The following USP26 variants were observed in gnomAD, a reference collection of about 807,000 sequenced individuals.
USP26 encodes ubiquitin specific peptidase 26, also known as ubiquitin carboxyl-terminal hydrolase 26.
For synonymous variants in USP26, 236 were observed against 240.6 expected, an observed-to-expected ratio of 0.98 and a Z score of 0.18; for missense variants, 649 against 642.3, an observed-to-expected ratio of 1.01 and a Z score of -0.11.
At chrX:133,032,590 A>AT (rs1173273409) in intron 5 of USP26, among the ~76,000 whole-genome samples, 2 of 111,971 alleles carry the variant, frequency 1.8e-5, no homozygotes, top group African/African-American at 6.5e-5. Context: ...CAATCTGCAT[A>AT]TTTTTTCTCC....
At chrX:133,076,762 CAT>C (rs1242516220) in intron 5 of USP26, among the ~76,000 whole-genome samples, 2 of 111,848 alleles carry the variant, frequency 1.8e-5, no homozygotes, top group Non-Finnish European at 3.8e-5. Context: ...CCAATAGCCA[CAT>C]GAGTGATCTT....
intron 1 of USP26, among the ~76,000 whole-genome samples, chrX:133,093,914 G>A (rs1229699343): frequency 1.0e-5 from 1 of 99,597 alleles, no homozygotes; most frequent in Non-Finnish European, 2.0e-5. Context: ...CCAGGAGGTC[G>A]AGGCTGTAGA....
At chrX:133,039,709 G>T (rs777530724) in intron 5 of USP26, among the ~76,000 whole-genome samples, 1 of 111,639 alleles carries the variant, frequency 9.0e-6, no homozygotes, top group Admixed American at 9.5e-5. Flanking sequence ...TATTAGGTCT[G>T]CTTGGTCCAG....
At chrX:133,073,186 C>T (rs1002482167) in intron 5 of USP26, among the ~76,000 whole-genome samples, 3 of 110,002 alleles carry the variant, frequency 2.7e-5, no homozygotes, top group African/African-American at 9.9e-5. Flanking sequence ...TGGCTTTGTA[C>T]TTCACTCTCA....
chrX:133,071,009 G>A (rs2067528724), intron 5 of USP26, among the ~76,000 whole-genome samples: 1 of 110,862 alleles, frequency 9.0e-6, no homozygotes, highest in Non-Finnish European at 1.9e-5. Context: ...CTGAGATCAG[G>A]AGTTCGGGAC....
intron 5 of USP26, among the ~76,000 whole-genome samples, chrX:133,048,598 G>A (rs1451104501): frequency 9.3e-6 from 1 of 107,983 alleles, no homozygotes; most frequent in Non-Finnish European, 1.9e-5. Flanking sequence ...CCAGGCTGGA[G>A]TGCAGTGGCA....
intron 1 of USP26, among the ~76,000 whole-genome samples, chrX:133,095,093 C>CAAAAAAAAAAAAAAAAAAA (rs35394795): frequency 3.9e-5 from 2 of 51,221 alleles, no homozygotes; most frequent in Non-Finnish European, 7.1e-5. Flanking sequence ...AGACTCTTGT[C>CAAAAAAAAAAAAAAAAAAA]AAAAAAAAAA....
chrX:133,062,811 G>A (rs2067497926), intron 5 of USP26, among the ~76,000 whole-genome samples: 3 of 110,870 alleles, frequency 2.7e-5, no homozygotes, highest in Admixed American at 9.6e-5. Context: ...CCAAAAACCA[G>A]AATGCCTCAT....
chrX:133,053,531 C>CT (rs199996242), intron 5 of USP26, among the ~76,000 whole-genome samples: 6 of 92,892 alleles, frequency 6.5e-5, no homozygotes, highest in East Asian at 3.3e-4. Flanking sequence ...GAGTGAGACT[C>CT]TTTTTTAAAA....
intron 4 of USP26, among the ~76,000 whole-genome samples, chrX:133,088,869 C>T (rs778320869): frequency 7.2e-5 from 8 of 110,757 alleles, no homozygotes; most frequent in African/African-American, 1.6e-4. Flanking sequence ...ATCTAGCAAA[C>T]GAGCTAAGGT....
intron 5 of USP26, among the ~76,000 whole-genome samples, chrX:133,046,883 C>T (rs1441504086): frequency 1.8e-5 from 2 of 111,705 alleles, no homozygotes; most frequent in African/African-American, 6.5e-5. Context: ...ACCACCTCAT[C>T]CCTCTTCTTT....
At chrX:133,085,060 C>T (rs1602990830) in intron 4 of USP26, among the ~76,000 whole-genome samples, 1 of 111,893 alleles carries the variant, frequency 8.9e-6, no homozygotes, top group South Asian at 3.8e-4. Flanking sequence ...TCCCAAGTAG[C>T]TGGGATTATA....
At chrX:133,066,420 A>C (rs769963010) in intron 5 of USP26, among the ~76,000 whole-genome samples, 2 of 112,020 alleles carry the variant, frequency 1.8e-5, no homozygotes, top group African/African-American at 6.5e-5. Flanking sequence ...AACCAAGAGA[A>C]TCCTAAGCAA....
intron 1 of USP26, among the ~76,000 whole-genome samples, chrX:133,096,047 ATTTTTT>A (rs779131148): frequency 2.7e-4 from 10 of 36,548 alleles, no homozygotes; most frequent in African/African-American, 1.2e-3. Context: ...GCCCGGCCTA[ATTTTTT>A]TTTTTTTTTT....
chrX:133,068,485 G>A (rs112165969), intron 5 of USP26, among the ~76,000 whole-genome samples: 4,233 of 112,248 alleles, frequency 0.038, 106 homozygotes, highest in East Asian at 0.1. Flanking sequence ...AAAAATAAGC[G>A]GTGCTTTCTA....
chrX:133,040,262 A>G (rs1393773058), intron 5 of USP26, among the ~76,000 whole-genome samples: 9 of 111,889 alleles, frequency 8.0e-5, no homozygotes, highest in Non-Finnish European at 1.5e-4. Context: ...TTTGCACATT[A>G]GTTGATGCAG....
chrX:133,036,692 C>T (rs960701054), intron 5 of USP26, among the ~76,000 whole-genome samples: 20 of 111,671 alleles, frequency 1.8e-4, no homozygotes, highest in African/African-American at 6.2e-4. Flanking sequence ...GGGTCTATAC[C>T]CAGTAATGGG....
intron 5 of USP26, among the ~76,000 whole-genome samples, chrX:133,034,322 A>AGCATCTAAAG (rs2067388913): frequency 9.0e-6 from 1 of 111,691 alleles, no homozygotes; most frequent in Non-Finnish European, 1.9e-5. Context: ...TGAGGAAAAC[A>AGCATCTAAAG]GCATCTAAAG....
chrX:133,067,318 G>A (rs1436259624), intron 5 of USP26, among the ~76,000 whole-genome samples: 4 of 112,559 alleles, frequency 3.6e-5, no homozygotes, highest in Non-Finnish European at 7.5e-5. Flanking sequence ...ACAGTGTGGT[G>A]ATTCCTCATG....
Sources: gnomAD v4.1 joint callset for allele counts (sites outside exome capture counted in the v4.1 genomes callset) on GRCh38, gnomAD v4.1.1 for gene constraint, MANE v1.5 for transcripts, NCBI Gene and HGNC (gene_info 2026-07-23, HGNC 2026-07-21) for gene names.